The following IL1RAPL2 variants were observed in gnomAD, a reference collection of about 807,000 sequenced individuals.
IL1RAPL2 encodes the protein X-linked interleukin-1 receptor accessory protein-like 2.
In IL1RAPL2, 3 loss-of-function variants were observed where a neutral mutation model predicts 44.1. The observed-to-expected ratio is 0.07, with a 90% CI of 0.03 to 0.18. The LOEUF is 0.18. Ranked by LOEUF, IL1RAPL2 falls within the 10% of genes least tolerant of loss-of-function variation. IL1RAPL2 has a pLI of 1.00. For synonymous variants in IL1RAPL2, 181 were observed against 178.8 expected, an observed-to-expected ratio of 1.01 and a Z score of -0.10; for missense variants, 391 against 496.4, an observed-to-expected ratio of 0.79 and a Z score of 2.02.
intron 2 of IL1RAPL2, among the ~76,000 whole-genome samples, chrX:105,192,565 G>A (rs1471410837): frequency 9.0e-6 from 1 of 111,407 alleles, no homozygotes; most frequent in Non-Finnish European, 1.9e-5. Flanking sequence ...AATCTAGTAG[G>A]GGTCTAATAC....
chrX:104,948,256 C>T (rs935323975), intron 2 of IL1RAPL2, among the ~76,000 whole-genome samples: 3 of 108,995 alleles, frequency 2.8e-5, no homozygotes, highest in Middle Eastern at 4.7e-3. Context: ...GTGATTTTTG[C>T]ACATTGATTT....
intron 2 of IL1RAPL2, among the ~76,000 whole-genome samples, chrX:105,161,561 A>G (rs1051235106): frequency 1.8e-4 from 20 of 111,057 alleles, no homozygotes; most frequent in Non-Finnish European, 5.6e-5. Context: ...TTAAAATTCA[A>G]CGAGTTTGCC....
chrX:105,090,284 T>C (rs2032528018), intron 2 of IL1RAPL2, among the ~76,000 whole-genome samples: 2 of 111,736 alleles, frequency 1.8e-5, no homozygotes, highest in Non-Finnish European at 3.8e-5. Context: ...CACTGCTCTG[T>C]AGAACCCACA....
intron 2 of IL1RAPL2, among the ~76,000 whole-genome samples, chrX:104,735,362 A>C (rs1364089496): frequency 9.0e-6 from 1 of 111,134 alleles, no homozygotes; most frequent in Non-Finnish European, 1.9e-5. Flanking sequence ...TGCTGATGTC[A>C]CATATCCTCT....
At chrX:104,914,942 C>T (rs1322927237) in intron 2 of IL1RAPL2, among the ~76,000 whole-genome samples, 1 of 111,813 alleles carries the variant, frequency 8.9e-6, no homozygotes, top group Non-Finnish European at 1.9e-5. Context: ...ATATGTGCCA[C>T]ATTTTCTTAA....
intron 2 of IL1RAPL2, among the ~76,000 whole-genome samples, chrX:104,805,689 T>C (rs1282964387): frequency 8.9e-6 from 1 of 112,238 alleles, no homozygotes; most frequent in East Asian, 2.8e-4. Context: ...TTTTCCATAA[T>C]TGCTGTTGAT....
chrX:105,762,095 C>A (rs1156543860), intron 10 of IL1RAPL2, among the ~76,000 whole-genome samples: 3 of 111,830 alleles, frequency 2.7e-5, no homozygotes, highest in Non-Finnish European at 5.6e-5. Context: ...GAAGCAATTT[C>A]TTTTGTGGCT....
chrX:105,129,636 C>T (rs1484406002), intron 2 of IL1RAPL2, among the ~76,000 whole-genome samples: 1 of 110,667 alleles, frequency 9.0e-6, no homozygotes, highest in African/African-American at 3.3e-5. Context: ...TATCTGGAAC[C>T]AGGAGGTATC....
intron 1 of IL1RAPL2, among the ~76,000 whole-genome samples, chrX:104,570,943 TG>T (rs1375627830): frequency 6.4e-5 from 7 of 109,676 alleles, no homozygotes; most frequent in African/African-American, 2.3e-4. Context: ...AGCAAACTTT[TG>T]TTTTTTTTTT....
At chrX:104,660,694 T>TG (rs949593225) in intron 2 of IL1RAPL2, among the ~76,000 whole-genome samples, 16 of 104,245 alleles carry the variant, frequency 1.5e-4, no homozygotes, top group African/African-American at 5.3e-4. Flanking sequence ...TCCCAGCATT[T>TG]GGGAGGCCAA....
At chrX:104,735,881 G>A (rs1195631236) in intron 2 of IL1RAPL2, among the ~76,000 whole-genome samples, 1 of 111,523 alleles carries the variant, frequency 9.0e-6, no homozygotes, top group Admixed American at 9.5e-5. Flanking sequence ...CATCTGCAGT[G>A]ATTTGTGCTC....
intron 2 of IL1RAPL2, among the ~76,000 whole-genome samples, chrX:104,951,009 G>A (rs1368851724): frequency 8.9e-6 from 1 of 112,199 alleles, no homozygotes; most frequent in Non-Finnish European, 1.9e-5. Flanking sequence ...CGCTTCCCGA[G>A]TGAGGCAATG....
intron 7 of IL1RAPL2, among the ~76,000 whole-genome samples, chrX:105,729,748 G>A (rs778870598): frequency 1.5e-4 from 16 of 109,060 alleles, no homozygotes; most frequent in Admixed American, 1.2e-3. Context: ...CATTTTTGTC[G>A]TTGTGTCTAA....
At chrX:105,517,584 A>T (rs1287764522) in intron 6 of IL1RAPL2, among the ~76,000 whole-genome samples, 1 of 111,196 alleles carries the variant, frequency 9.0e-6, no homozygotes, top group African/African-American at 3.3e-5. Flanking sequence ...CCATTTCTAC[A>T]TATCCAAATC....
At chrX:104,770,164 C>A (rs931812608) in intron 2 of IL1RAPL2, among the ~76,000 whole-genome samples, 4 of 110,676 alleles carry the variant, frequency 3.6e-5, no homozygotes, top group Non-Finnish European at 5.7e-5. Flanking sequence ...ATTCACGGGG[C>A]CCCTGTTTTC....
intron 2 of IL1RAPL2, among the ~76,000 whole-genome samples, chrX:104,902,806 C>G (rs1388484003): frequency 9.0e-6 from 1 of 111,182 alleles, no homozygotes; most frequent in Non-Finnish European, 1.9e-5. Flanking sequence ...ATCTGCAATG[C>G]TTTTATATTT....
intron 2 of IL1RAPL2, among the ~76,000 whole-genome samples, chrX:104,711,835 A>G (rs1167822426): frequency 3.6e-5 from 4 of 111,037 alleles, no homozygotes; most frequent in Non-Finnish European, 7.6e-5. Flanking sequence ...AGTCATATAA[A>G]TCTCTGGAAT....
intron 2 of IL1RAPL2, among the ~76,000 whole-genome samples, chrX:105,185,528 T>C (rs1270324059): frequency 7.2e-5 from 8 of 111,880 alleles, no homozygotes; most frequent in African/African-American, 9.8e-5. Context: ...AGAACTTGTC[T>C]GGTTTAGCAC....
chrX:105,004,154 C>T (rs914807605), intron 2 of IL1RAPL2, among the ~76,000 whole-genome samples: 6 of 110,170 alleles, frequency 5.4e-5, no homozygotes, highest in Non-Finnish European at 7.6e-5. Flanking sequence ...ATGGATGTCT[C>T]GATATCCTGT....
Sources: gnomAD v4.1 joint callset for allele counts (sites outside exome capture counted in the v4.1 genomes callset) on GRCh38, gnomAD v4.1.1 for gene constraint, MANE v1.5 for transcripts, NCBI Gene and HGNC (gene_info 2026-07-23, HGNC 2026-07-21) for gene names.